The following RAB38 variants were observed in gnomAD, a reference collection of about 807,000 sequenced individuals.
RAB38 encodes the protein ras-related protein Rab-38.
In RAB38, 15 loss-of-function variants were observed where a neutral mutation model predicts 18.4. That is an observed-to-expected ratio of 0.82 (90% CI 0.55 to 1.26). The LOEUF is 1.26. Ranked by LOEUF, RAB38 falls within the 50% of genes most tolerant of loss-of-function variation. The probability of loss-of-function intolerance (pLI) is 0.00; values close to 1 mark genes in which losing one functional copy is unlikely to be tolerated. For missense variants in RAB38, 294 were observed against 267.4 expected (o/e 1.10, Z -0.69); for synonymous variants, 101 against 104.4 (o/e 0.97, Z 0.20).
chr11:88,137,897 C>T (rs761348815), intron 2 of RAB38, among the ~76,000 whole-genome samples: 2 of 152,110 alleles, frequency 1.3e-5, no homozygotes, highest in African/African-American at 2.4e-5. Flanking sequence ...TGAAGCAATG[C>T]CTTAAAGTTA....
At chr11:87,928,704 G>A in the RAB38 span, among the ~76,000 whole-genome samples, 3 of 152,048 alleles carry the variant, frequency 2.0e-5, no homozygotes, top group East Asian at 3.9e-4. Context: ...AAAGCAAATG[G>A]TCCTATTTTC....
At chr11:88,097,463 G>C in the RAB38 span, among the ~76,000 whole-genome samples, 2 of 151,818 alleles carry the variant, frequency 1.3e-5, no homozygotes, top group African/African-American at 4.8e-5. Context: ...AAACACAGAG[G>C]AAAGAGTAAC....
chr11:87,922,599 G>C, the RAB38 span, among the ~76,000 whole-genome samples: 20 of 151,906 alleles, frequency 1.3e-4, no homozygotes, highest in Admixed American at 5.3e-4. Context: ...ATCTTATGGA[G>C]ATTTTCCCTC....
At chr11:88,083,750 TA>T in the RAB38 span, among the ~76,000 whole-genome samples, 1 of 151,912 alleles carries the variant, frequency 6.6e-6, no homozygotes, top group Non-Finnish European at 1.5e-5. Context: ...CCTTCTGCCA[TA>T]CAAGGAAAAG....
At chr11:87,919,315 A>G in the RAB38 span, among the ~76,000 whole-genome samples, 1 of 151,896 alleles carries the variant, frequency 6.6e-6, no homozygotes, top group African/African-American at 2.4e-5. Flanking sequence ...TTATCATGAA[A>G]GCATGTTAAA....
the RAB38 span, among the ~76,000 whole-genome samples, chr11:88,090,606 C>A: frequency 6.6e-6 from 1 of 151,686 alleles, no homozygotes; most frequent in African/African-American, 2.4e-5. Flanking sequence ...AAAAAAAAAT[C>A]TGTTACAGAG....
At chr11:88,053,267 TAC>T in the RAB38 span, among the ~76,000 whole-genome samples, 2 of 128,492 alleles carry the variant, frequency 1.6e-5, no homozygotes, top group African/African-American at 6.0e-5. Context: ...AATATATATA[TAC>T]ACACACATAT....
At chr11:88,025,620 T>A in the RAB38 span, among the ~76,000 whole-genome samples, 1 of 152,172 alleles carries the variant, frequency 6.6e-6, no homozygotes, top group Non-Finnish European at 1.5e-5. Flanking sequence ...ATTTTTCTGA[T>A]AATAAGTGAT....
chr11:88,111,435 C>G (rs555430829), downstream of RAB38, among the ~76,000 whole-genome samples: 5 of 152,294 alleles, frequency 3.3e-5, no homozygotes, highest in African/African-American at 9.6e-5. Flanking sequence ...ATTAATCAGA[C>G]AGCAGCTGAA....
At chr11:88,170,063 G>GCAAGT (rs1555013697) in intron 1 of RAB38, among the ~76,000 whole-genome samples, 2 of 152,118 alleles carry the variant, frequency 1.3e-5, no homozygotes, top group Non-Finnish European at 2.9e-5. Flanking sequence ...CCTTGGTCAA[G>GCAAGT]CTGCTACTTG....
At chr11:87,942,039 C>G in the RAB38 span, among the ~76,000 whole-genome samples, 1 of 152,186 alleles carries the variant, frequency 6.6e-6, no homozygotes, top group Non-Finnish European at 1.5e-5. Context: ...AACTTTCTCA[C>G]AAGAAAATGG....
At chr11:87,924,085 G>C in the RAB38 span, among the ~76,000 whole-genome samples, 2 of 151,662 alleles carry the variant, frequency 1.3e-5, no homozygotes, top group African/African-American at 4.8e-5. Flanking sequence ...ATTGTTCTAA[G>C]TTCTTTGCTA....
At chr11:88,168,573 C>T (rs1943270883) in intron 1 of RAB38, among the ~76,000 whole-genome samples, 1 of 152,134 alleles carries the variant, frequency 6.6e-6, no homozygotes, top group Admixed American at 6.5e-5. Flanking sequence ...TCAACCTATT[C>T]CGATCACCCC....
At chr11:87,882,191 A>G in the RAB38 span, among the ~76,000 whole-genome samples, 2 of 152,006 alleles carry the variant, frequency 1.3e-5, no homozygotes, top group African/African-American at 4.8e-5. Flanking sequence ...AGATTTGGCC[A>G]CATTAATAGG....
chr11:87,884,814 A>T, the RAB38 span, among the ~76,000 whole-genome samples: 4 of 151,872 alleles, frequency 2.6e-5, no homozygotes, highest in African/African-American at 9.7e-5. Context: ...GTCATTCGGA[A>T]TGCAGATTTT....
chr11:87,811,544 G>T, the RAB38 span, among the ~76,000 whole-genome samples: 1 of 152,050 alleles, frequency 6.6e-6, no homozygotes, highest in African/African-American at 2.4e-5. Flanking sequence ...TTTGCTTGCA[G>T]GGCCCTCTAT....
the RAB38 span, among the ~76,000 whole-genome samples, chr11:87,870,365 C>A: frequency 6.6e-6 from 1 of 151,514 alleles, no homozygotes. Context: ...CTGGAACAGA[C>A]TTAAACAAAA....
At chr11:88,075,753 T>A in the RAB38 span, among the ~76,000 whole-genome samples, 1 of 151,928 alleles carries the variant, frequency 6.6e-6, no homozygotes, top group Non-Finnish European at 1.5e-5. Context: ...TGGTGGTGCA[T>A]GCCTGTAATA....
the RAB38 span, among the ~76,000 whole-genome samples, chr11:88,029,062 G>A: frequency 6.6e-6 from 1 of 151,926 alleles, no homozygotes; most frequent in Non-Finnish European, 1.5e-5. Flanking sequence ...AGAAGAGAGT[G>A]GGGGCCAATA....
Sources: allele counts gnomAD v4.1 joint callset (sites outside exome capture counted in the v4.1 genomes callset), GRCh38; gene constraint gnomAD v4.1.1; transcripts MANE v1.5; gene names NCBI Gene and HGNC (gene_info 2026-07-23, HGNC 2026-07-21).